Variants in APELA observed in about 807,000 individuals in gnomAD.
The protein encoded by APELA is apelin receptor early endogenous ligand, also known as protein Elabela.
chr4:164,885,941 C>CTT (rs1453814404), intron 2 of APELA, among the ~76,000 whole-genome samples: 1 of 152,094 alleles, frequency 6.6e-6, no homozygotes, highest in Non-Finnish European at 1.5e-5. Context: ...CAAGTCCAAA[C>CTT]TCTCTCCCTC....
At position 164,897,047 on chromosome 4, in the gene APELA, T is replaced by C. The variant is rs1730990620; in HGVS notation, c.*1633T>C. ...CCGCCTCCTTGGCCTCCCAAAATACTGGGATTACAGGCATGTGCCACCATG... is the reference window on the plus strand; with the variant it reads ...CCGCCTCCTTGGCCTCCCAAAATACCGGGATTACAGGCATGTGCCACCATG... On this transcript the variant is annotated 3_prime_UTR_variant, in exon 3 of 3. Coordinates refer to ENST00000507152, the MANE Select transcript of APELA (RefSeq NM_001297550.2). The C allele has an allele frequency of 1.3e-5, 2 of 152,210 alleles. No homozygotes were observed. Among genetic ancestry groups the C allele is most frequent in the South Asian group, 2.1e-4 (1 of 4,836 alleles). 9.4% of individuals were successfully genotyped at this position (152,210 alleles called of 1,614,324 possible).
chr4:164,892,046 C>G (rs1730892626), intron 2 of APELA, among the ~76,000 whole-genome samples: 1 of 152,068 alleles, frequency 6.6e-6, no homozygotes, highest in Non-Finnish European at 1.5e-5. Context: ...TGTGGTGGCT[C>G]ATGCCTGTAA....
intron 2 of APELA, among the ~76,000 whole-genome samples, chr4:164,884,145 AAGAAAGAAAGAAAGGAGAAG>A (rs1339332771): frequency 5.0e-4 from 75 of 149,674 alleles, no homozygotes; most frequent in African/African-American, 1.9e-3. Context: ...GAAAGAAAGA[AAGAAAGAAAGAAAGGAGAAG>A]AGAAAGAAAG....
chr4:164,884,115 AAG>A (rs1410925491), intron 2 of APELA, among the ~76,000 whole-genome samples: 1 of 49,542 alleles, frequency 2.0e-5, no homozygotes, highest in East Asian at 5.5e-4. Flanking sequence ...GAAAGAAAGA[AAG>A]AAAGAGAAAG....
chr4:164,879,851 C>A (rs186350586), intron 2 of APELA, among the ~76,000 whole-genome samples: 1 of 152,270 alleles, frequency 6.6e-6, no homozygotes, highest in East Asian at 1.9e-4. Context: ...AGCTTTCCAG[C>A]CTCACCAATA....
At chr4:164,892,170 AGCAGGTGTGGTG>A (rs752020110) in intron 2 of APELA, among the ~76,000 whole-genome samples, 4 of 151,990 alleles carry the variant, frequency 2.6e-5, no homozygotes, top group Non-Finnish European at 5.9e-5. Context: ...TAATTAGCCA[AGCAGGTGTGGTG>A]GCATGCACCT....
intron 2 of APELA, among the ~76,000 whole-genome samples, chr4:164,887,706 G>A (rs1730800422): frequency 1.3e-5 from 2 of 151,730 alleles, no homozygotes; most frequent in African/African-American, 4.8e-5. Flanking sequence ...CTGCCTCCTG[G>A]GTTTAAGCGA....
intron 2 of APELA, among the ~76,000 whole-genome samples, chr4:164,887,467 A>G (rs1482227081): frequency 6.6e-6 from 1 of 152,170 alleles, no homozygotes; most frequent in Non-Finnish European, 1.5e-5. Context: ...TAAAACAAAA[A>G]AAACACACAT....
chr4:164,887,616 A>T (rs1459465791), intron 2 of APELA, among the ~76,000 whole-genome samples: 1 of 148,056 alleles, frequency 6.8e-6, no homozygotes, highest in African/African-American at 2.5e-5. Flanking sequence ...ATCTTACTAA[A>T]TTTTTTTTTT....
chr4:164,887,960 C>T (rs1035521949), intron 2 of APELA, among the ~76,000 whole-genome samples: 1 of 152,184 alleles, frequency 6.6e-6, no homozygotes, highest in Non-Finnish European at 1.5e-5. Context: ...CCTGATTTCA[C>T]AGCAGAATTT....
At chr4:164,887,612 C>T (rs972852262) in intron 2 of APELA, among the ~76,000 whole-genome samples, 1 of 146,620 alleles carries the variant, frequency 6.8e-6, no homozygotes. Context: ...CCTTATCTTA[C>T]TAAATTTTTT....
At chr4:164,880,890 T>G (rs377329826) in intron 2 of APELA, among the ~76,000 whole-genome samples, 1 of 152,200 alleles carries the variant, frequency 6.6e-6, no homozygotes. Flanking sequence ...TAATAGCAAC[T>G]CTTTACAAAA....
chr4:164,877,593 A>G (rs1730578181), intron 1 of APELA, among the ~76,000 whole-genome samples, 186 bp downstream of exon 1: 1 of 152,166 alleles, frequency 6.6e-6, no homozygotes, highest in Non-Finnish European at 1.5e-5. Flanking sequence ...CAATATTTTA[A>G]AAACATCTGG....
At chr4:164,884,137 A>AAGAAAGAAAG (rs1730720459) in intron 2 of APELA, among the ~76,000 whole-genome samples, 1 of 149,408 alleles carries the variant, frequency 6.7e-6, no homozygotes, top group Admixed American at 6.6e-5. Flanking sequence ...GAAAGAAAGA[A>AAGAAAGAAAG]AGAAAGAAAG....
Position 164,878,996 on chromosome 4 carries a change from AC to A in APELA, c.156del (p.Ter55GlufsTer34), listed in dbSNP as rs1730607856. Reference sequence around the variant, plus strand: ...GATGTATGCCTCTCCATTCACGAGTACCCTTTCCCTGAGGTATTTCTGACAG... The same window carrying A: ...GATGTATGCCTCTCCATTCACGAGTACCTTTCCCTGAGGTATTTCTGACAG... ...RRCMPLHSRV[P>X]FP On this transcript the variant is annotated frameshift_variant, in exon 2 of 3. Transcript: ENST00000507152. LOFTEE classifies it high-confidence loss of function. The A allele has an allele frequency of 2.5e-6, 1 of 398,818 alleles. No individual in the cohort carries two copies. The highest frequency in any genetic ancestry group is 1.3e-4 in the South Asian group (1 of 7,860). The allele number at this position is 398,818 out of a possible 1,614,324, so 24.7% of individuals were successfully genotyped here.
chr4:164,894,380 C>T (rs967447915), intron 2 of APELA, among the ~76,000 whole-genome samples: 1 of 151,824 alleles, frequency 6.6e-6, no homozygotes, highest in Non-Finnish European at 1.5e-5. Flanking sequence ...ACAAAACACA[C>T]ACATATATAT....
rs770977104 is a variant in APELA at position 164,895,508 on chromosome 4, A to C, written c.*94A>C. 4 of 152,174 alleles carry C rather than the reference A, an allele frequency of 2.6e-5. No homozygotes were observed. The highest frequency in any genetic ancestry group is 5.9e-5 in the Non-Finnish European group (4 of 68,038). The allele number at this position is 152,174 out of a possible 1,614,324, so 9.4% of individuals were successfully genotyped here. A position where few individuals can be genotyped will look rare whatever the true frequency, so the allele number is the denominator to read the frequency against. On this transcript the variant is annotated 3_prime_UTR_variant, in exon 3 of 3. Transcript: ENST00000507152. Reference sequence around the variant, plus strand: ...CACAAAAGAACTTCATGATGCCAACAGCGTGATTGCTTAGAAGTTCCTACA... The same window carrying C: ...CACAAAAGAACTTCATGATGCCAACCGCGTGATTGCTTAGAAGTTCCTACA...
At chr4:164,898,009 G>A (rs1282867405), downstream of APELA, among the ~76,000 whole-genome samples, 1 of 152,018 alleles carries the variant, frequency 6.6e-6, no homozygotes, top group Non-Finnish European at 1.5e-5. Flanking sequence ...TGGTGCTTCA[G>A]CCTCCCGAGC....
intron 2 of APELA, among the ~76,000 whole-genome samples, chr4:164,887,529 A>G (rs1456688329): frequency 6.6e-6 from 1 of 151,928 alleles, no homozygotes; most frequent in Non-Finnish European, 1.5e-5. Flanking sequence ...TTCTGTACTC[A>G]TTGTCCCTGA....
Sources: gnomAD v4.1 joint callset for allele counts (sites outside exome capture counted in the v4.1 genomes callset) on GRCh38, gnomAD v4.1.1 for gene constraint, MANE v1.5 for transcripts, NCBI Gene and HGNC (gene_info 2026-07-23, HGNC 2026-07-21) for gene names.